The following DNHD1 variants were observed in gnomAD, a reference collection of about 807,000 sequenced individuals.
The protein encoded by DNHD1 is dynein heavy chain domain 1, also known as dynein heavy chain domain-containing protein 1.
Under a neutral mutation model 458.1 loss-of-function variants are expected in DNHD1, and 383 were observed. The ratio of observed to expected loss-of-function variants is 0.84; its 90% CI spans 0.77 to 0.91. The LOEUF is 0.91. DNHD1 is among the 40% of genes least tolerant of loss of function. DNHD1 has a pLI of 0.00. For missense variants in DNHD1, 5,336 were observed against 5,866.1 expected, an observed-to-expected ratio of 0.91 and a Z score of 2.95; for synonymous variants, 2,203 against 2,376.9, an observed-to-expected ratio of 0.93 and a Z score of 2.13.
At chr11:6,560,900 G>A (rs1853573825) in intron 28 of DNHD1, among the ~76,000 whole-genome samples, 1 of 152,026 alleles carries the variant, frequency 6.6e-6, no homozygotes, top group Non-Finnish European at 1.5e-5. Flanking sequence ...TTATGTCTAT[G>A]TCAATATATG....
chr11:6,565,849 TGAAGA>T lies in DNHD1; in HGVS notation c.10915_10919del (p.Glu3639ArgfsTer15). ...AGCAGGAGAAAGAGCAAGAGGAAAA[TGAAGA>T]GAAAGAGGAGGAGAAGACAGAGAGC... On this transcript the variant is annotated frameshift_variant, in exon 33 of 43. Coordinates refer to ENST00000254579, the MANE Select transcript of DNHD1 (RefSeq NM_144666.3). LOFTEE classifies it high-confidence loss of function. The T allele has an allele frequency of 6.4e-7, 1 of 1,550,730 alleles. No individual in the cohort carries two copies. Among genetic ancestry groups the T allele is most frequent in the Non-Finnish European group, 8.7e-7 (1 of 1,146,788 alleles).
At chr11:6,509,975 A>G (rs1280793450) in intron 6 of DNHD1, among the ~76,000 whole-genome samples, 2 of 152,222 alleles carry the variant, frequency 1.3e-5, no homozygotes, top group African/African-American at 4.8e-5. Context: ...GTTTGGGAAT[A>G]TAGGTCCAGT....
chr11:6,508,815 C>T, intron 4 of DNHD1, 65 bp from the exon 5 acceptor site: 2 of 1,521,530 alleles, frequency 1.3e-6, no homozygotes, highest in Non-Finnish European at 1.8e-6. Flanking sequence ...CTGTATCCTC[C>T]TTTGGTCTCT....
chr11:6,527,396 A>G (rs1322489426), intron 10 of DNHD1, among the ~76,000 whole-genome samples: 1 of 152,202 alleles, frequency 6.6e-6, no homozygotes, highest in African/African-American at 2.4e-5. Flanking sequence ...AAGTAACGAC[A>G]ACAGGATTTT....
intron 24 of DNHD1, among the ~76,000 whole-genome samples, chr11:6,553,623 C>T (rs1388920627): frequency 6.6e-6 from 1 of 152,084 alleles, no homozygotes; most frequent in African/African-American, 2.4e-5. Context: ...TAAAAAACTA[C>T]TACAATAAAT....
At position 6,565,693 on chromosome 11, in the gene DNHD1, A is replaced by C. The variant is rs377539525; in HGVS notation, c.10757-2A>C. On this transcript the variant is annotated splice_acceptor_variant, in intron 32 of 42. Transcript: ENST00000254579. LOFTEE classifies it high-confidence loss of function. The stretch of plus-strand genomic sequence containing the variant: ...GAGCTCCTCTGAATCTTTCTGCCCC[A>C]GGGAAAGGCCTCATGAGAAATCAAA... The C allele has an allele frequency of 3.9e-6, 6 of 1,541,238 alleles. No homozygotes were observed. Among genetic ancestry groups the C allele is most frequent in the Non-Finnish European group, 4.4e-6 (5 of 1,143,100 alleles).
At chr11:6,513,533 G>T (rs567971156) in intron 7 of DNHD1, among the ~76,000 whole-genome samples, 6 of 152,260 alleles carry the variant, frequency 3.9e-5, no homozygotes, top group African/African-American at 1.4e-4. Flanking sequence ...TAATGTTCTA[G>T]GTAGCAGTGG....
rs762459458 is a variant in DNHD1, at chr11:6,520,112, A to G, written c.1785+10A>G. The G allele has an allele frequency of 6.8e-6, 11 of 1,614,144 alleles. No individual in the cohort carries two copies. The Admixed American group carries it at 1.8e-4, about 27-fold the overall frequency. ...GACCTCTGCCTTGCAGGTATTCTGA[A>G]TTGGGCAGAGAGCTGGCTGTGGGAA... is the stretch of plus-strand genomic sequence containing the variant. On this transcript the variant is annotated intron_variant, in intron 9 of 42. Transcript: ENST00000254579.
chr11:6,507,582 C>G (rs1302395734), intron 4 of DNHD1, among the ~76,000 whole-genome samples: 5 of 151,922 alleles, frequency 3.3e-5, no homozygotes, highest in Non-Finnish European at 7.4e-5. Flanking sequence ...GAGAAGAGTA[C>G]TGTATAACTC....
rs1471955605 is a variant in DNHD1, at chr11:6,566,983, A to G, written c.11474A>G (p.Lys3825Arg). ...FLRNIVRAQG[K>R]LCQLRAHCEE... ...CGGAACATAGTGAGGGCCCAAGGAA[A>G]GCTATGCCAGCTGCGTGCTCATTGT... is the stretch of plus-strand genomic sequence containing the variant. The change falls in exon 36 of 43, where the codon AAG becomes AGG. Residue 3825 changes from lysine (K) to arginine (R), a missense_variant. This residue lies in a region of DNHD1 where 695 missense variants were observed against 804.2 expected (regional missense o/e 0.86). Transcript: ENST00000254579. 1 of 1,613,884 alleles carries G rather than the reference A, an allele frequency of 6.2e-7. No homozygotes were observed. Among genetic ancestry groups the G allele is most frequent in the Non-Finnish European group, 8.5e-7 (1 of 1,179,896 alleles).
In DNHD1 at chr11:6,539,200, T is replaced by C; in HGVS notation, c.3326-19T>C. 6.6e-7 allele frequency: 1 copy of C among 1,522,048 alleles called. No homozygotes were observed. The highest frequency in any genetic ancestry group is 8.9e-7 in the Non-Finnish European group (1 of 1,120,188). 94.3% of individuals were successfully genotyped at this position (1,522,048 alleles called of 1,614,324 possible). On this transcript the variant is annotated intron_variant, in intron 16 of 42. Coordinates refer to ENST00000254579, the MANE Select transcript of DNHD1 (RefSeq NM_144666.3). The stretch of plus-strand genomic sequence containing the variant: ...GCCACATACTGGGTGTTGCTCTGAC[T>C]TGTTTTCTCTACCTCCAGCCCTTGG...
chr11:6,538,377 C>T lies in DNHD1; in HGVS notation c.2999-6C>T. ...GCCCAGGTCTCAAGTCAGCCCTCCC[C>T]CACAGAGGATGAGACTCCTGTGCCC... On this transcript the variant is annotated splice_region_variant and splice_polypyrimidine_tract_variant and intron_variant, in intron 14 of 42. Coordinates refer to ENST00000254579, the MANE Select transcript of DNHD1 (RefSeq NM_144666.3). 6.4e-7 allele frequency: 1 copy of T among 1,551,738 alleles called. No homozygotes were observed. The highest frequency in any genetic ancestry group is 8.7e-7 in the Non-Finnish European group (1 of 1,147,000).
intron 14 of DNHD1, among the ~76,000 whole-genome samples, chr11:6,537,933 A>G (rs969721382): frequency 1.1e-4 from 16 of 152,128 alleles, no homozygotes; most frequent in African/African-American, 3.6e-4. Flanking sequence ...TCTGTCTCAA[A>G]AAAAAAAGAA....
chr11:6,571,858 G>T lies in DNHD1; in HGVS notation c.14134G>T (p.Gly4712Ter), dbSNP rs770562142. Residue 4712 changes from glycine (G) to a stop codon, truncating the protein, a stop_gained, in exon 43 of 43, where the codon GGA (glycine) becomes TGA (stop). Coordinates refer to ENST00000254579, the MANE Select transcript of DNHD1 (RefSeq NM_144666.3). LOFTEE classifies it high-confidence loss of function. This position sits in a 1 kb window ranked among gnomAD's most constrained non-coding sequence, Gnocchi z 5.0. Reference sequence around the variant, plus strand: ...TGTGTACTCGTGTCCTGTGTACATGGGAGGGCCCCTTGGCACCGCTAAGCT... The same window carrying T: ...TGTGTACTCGTGTCCTGTGTACATGTGAGGGCCCCTTGGCACCGCTAAGCT... ...LTVYSCPVYM[G>*]GPLGTAKLQS... 8.7e-6 allele frequency: 14 copies of T among 1,614,024 alleles called. No homozygotes were observed. In the South Asian group the frequency reaches 1.4e-4, roughly 16 times the overall value.
Position 6,498,300 on chromosome 11 carries a change from T to C in DNHD1, c.85T>C (p.Leu29=), listed in dbSNP as rs376102865. Residue 29 remains leucine (L), a synonymous_variant, in exon 3 of 43, where the codon TTG becomes CTG. Coordinates refer to ENST00000254579, the MANE Select transcript of DNHD1 (RefSeq NM_144666.3). ...TAAGTCTTGGCACTCCATATGTGTCTTGGACAGCAAAGAACAGCCCTTGGC... is the reference window on the plus strand; with the variant it reads ...TAAGTCTTGGCACTCCATATGTGTCCTGGACAGCAAAGAACAGCCCTTGGC... ...SLKSWHSICV[L]DSKEQPLACQ... 410 of 1,614,232 alleles carry C rather than the reference T, an allele frequency of 2.5e-4. 3 individuals are homozygous for C. The highest frequency in any genetic ancestry group is 2.5e-3 in the Middle Eastern group (15 of 6,062).
At position 6,564,487 on chromosome 11, in the gene DNHD1, A is replaced by C; in HGVS notation, c.10439A>C (p.Asp3480Ala). The change falls in exon 32 of 43, where the codon GAT becomes GCT. Residue 3480 changes from aspartate to alanine, a missense_variant. Asp to Ala is a moderately radical substitution (Grantham distance 126). Transcript: ENST00000254579. ...GGCTTTCAGGAGGCTCTGGGCCCAG[A>C]TGATGTGGCACAGGCACTGAAGCGG... Reference protein sequence around the residue: ...CRGFQEALGPDDVAQALKRKQ... With the variant: ...CRGFQEALGPADVAQALKRKQ... 7.1e-6 allele frequency: 11 copies of C among 1,551,656 alleles called. No individual in the cohort carries two copies. Among genetic ancestry groups the C allele is most frequent in the Non-Finnish European group, 9.6e-6 (11 of 1,146,974 alleles).
chr11:6,518,634 GT>G, intron 7 of DNHD1, among the ~76,000 whole-genome samples: 1 of 152,190 alleles, frequency 6.6e-6, no homozygotes. Flanking sequence ...AGCTTACAGT[GT>G]AGTGGATGAG....
Position 6,547,470 on chromosome 11 carries a change from G to C in DNHD1, c.6531G>C (p.Glu2177Asp). 2 of 1,551,014 alleles carry C rather than the reference G, an allele frequency of 1.3e-6. No individual in the cohort carries two copies. Among genetic ancestry groups the C allele is most frequent in the East Asian group, 2.4e-5 (1 of 40,870 alleles). Residue 2177 changes from glutamate to aspartate, a missense_variant, in exon 21 of 43, where the codon GAG becomes GAC. By Grantham distance (45) the Glu-to-Asp change is conservative. Coordinates refer to ENST00000254579, the MANE Select transcript of DNHD1 (RefSeq NM_144666.3). ...EYRLQHRTVA[E>D]LNHMAEVLVP... ...GCCTGCAGCACCGGACAGTCGCTGAGCTCAACCACATGGCTGAGGTTCTGG... is the reference window on the plus strand; with the variant it reads ...GCCTGCAGCACCGGACAGTCGCTGACCTCAACCACATGGCTGAGGTTCTGG...
chr11:6,548,467 G>A lies in DNHD1; in HGVS notation c.7098+65G>A. 1 of 1,512,518 alleles carries A rather than the reference G, an allele frequency of 6.6e-7. No individual in the cohort carries two copies. The highest frequency in any genetic ancestry group is 8.9e-7 in the Non-Finnish European group (1 of 1,120,724). The allele number at this position is 1,512,518 out of a possible 1,614,324, so 93.7% of individuals were successfully genotyped here. ...AGGACTTATTTTAGGGGTAATCCAT[G>A]TTCAAAGATCAGCTGAGGCCCACTT... is the stretch of plus-strand genomic sequence containing the variant. On this transcript the variant is annotated intron_variant, in intron 23 of 42. Transcript: ENST00000254579. This position sits in a 1 kb window ranked among gnomAD's most constrained non-coding sequence, Gnocchi z 4.4.
Sources: gnomAD v4.1 joint callset for allele counts (sites outside exome capture counted in the v4.1 genomes callset) on GRCh38, gnomAD v4.1.1 for gene constraint, gnomAD v4.1.1 regional missense constraint, Gnocchi (gnomAD v3.1) non-coding constraint, MANE v1.5 for transcripts, NCBI Gene and HGNC (gene_info 2026-07-23, HGNC 2026-07-21) for gene names.